The following CSMD3 variants were observed in gnomAD, a reference collection of about 807,000 sequenced individuals.
The protein encoded by CSMD3 is CUB and Sushi multiple domains 3.
In CSMD3, 177 loss-of-function variants were observed where a neutral mutation model predicts 435.2. That is an observed-to-expected ratio of 0.41 (90% CI 0.36 to 0.46). The LOEUF (loss-of-function observed/expected upper bound fraction) is 0.46. Among genes scored for constraint, CSMD3 ranks in the 20% least tolerant of loss-of-function variants. CSMD3 has a pLI of 0.34. For missense variants in CSMD3, 4,265 were observed against 4,504.6 expected (o/e 0.95, Z 1.52); for synonymous variants, 1,656 against 1,520.5 (o/e 1.09, Z -2.07).
chr8:112,237,193 A>C lies in CSMD3; in HGVS notation c.10624T>G (p.Ser3542Ala). 1.9e-6 allele frequency: 3 copies of C among 1,613,494 alleles called. No homozygotes were observed. Among genetic ancestry groups the C allele is most frequent in the Middle Eastern group, 1.7e-4 (1 of 6,058 alleles). Residue 3542 changes from serine (S) to alanine (A), a missense_variant, in exon 67 of 71, where the codon TCA becomes GCA. Physicochemically the swap from Ser to Ala is moderately conservative, Grantham distance 99 (BLOSUM62 1). This residue lies in a region of CSMD3 where 3,255 missense variants were observed against 3,380.2 expected (regional missense o/e 0.96). Transcript: ENST00000297405. ...LSNSNMELLL[S>A]GVYKSQEARL... ...GCTGCTGTTTTTATTGCGATACCTG[A>C]AAGTAGCAGCTCCATGTTGCTATTG...
At chr8:113,246,772 T>C (rs1285353981) in intron 3 of CSMD3, among the ~76,000 whole-genome samples, 1 of 152,150 alleles carries the variant, frequency 6.6e-6, no homozygotes, top group Non-Finnish European at 1.5e-5. Flanking sequence ...TTGTTCAGTT[T>C]AATTCTAAAA....
rs112896519 is a variant in CSMD3 at position 112,325,699 on chromosome 8, G to A, written c.7166-5718C>T. Among the ~76,000 whole-genome samples the A allele has an allele frequency of 1.8e-3, 278 of 151,980 alleles. 2 individuals carry two copies. The highest frequency in any genetic ancestry group is 6.1e-3 in the African/African-American group (254 of 41,464). On this transcript the variant is annotated intron_variant, in intron 45 of 70. Transcript: ENST00000297405. ...AGTATATATATGAATGAGTATATAC[G>A]TATGATATATAACACATTCTTATGG...
rs535377892 is a variant in CSMD3, at chr8:112,653,369, C to T, written c.3004+2785G>A. On this transcript the variant is annotated intron_variant, in intron 18 of 70. Coordinates refer to ENST00000297405, the MANE Select transcript of CSMD3 (RefSeq NM_198123.2). ...ATAAATTGTGCATTCTTTTAGATGT[C>T]TAACATTTTCCTAATTGGAAAATAC... is the stretch of plus-strand genomic sequence containing the variant. Among the ~76,000 whole-genome samples the T allele has an allele frequency of 1.2e-4, 18 of 152,100 alleles. No individual in the cohort carries two copies. The South Asian group carries it at 3.7e-3, about 32-fold the overall frequency.
intron 1 of CSMD3, among the ~76,000 whole-genome samples, chr8:113,372,331 T>C (rs1443187742): frequency 6.6e-6 from 1 of 152,218 alleles, no homozygotes; most frequent in African/African-American, 2.4e-5. Context: ...GTAAACTTAG[T>C]TGGCCCCAGG....
intron 32 of CSMD3, among the ~76,000 whole-genome samples, chr8:112,469,041 A>G (rs1364471611): frequency 6.6e-6 from 1 of 152,012 alleles, no homozygotes; most frequent in African/African-American, 2.4e-5. Context: ...TACTCAATCA[A>G]CCAGTAAAGC....
intron 20 of CSMD3, among the ~76,000 whole-genome samples, chr8:112,642,953 A>G (rs559410444): frequency 6.6e-6 from 1 of 152,298 alleles, no homozygotes; most frequent in East Asian, 1.9e-4. Flanking sequence ...CATTTTAAAG[A>G]GATAAGCTGG....
chr8:112,644,085 T>G (rs916644503), intron 20 of CSMD3, among the ~76,000 whole-genome samples: 2 of 151,666 alleles, frequency 1.3e-5, no homozygotes, highest in Non-Finnish European at 3.0e-5. Flanking sequence ...TAAAAAAAAG[T>G]ACTTTTCAAA....
At chr8:112,395,326 G>A (rs541241072) in intron 35 of CSMD3, among the ~76,000 whole-genome samples, 1 of 152,180 alleles carries the variant, frequency 6.6e-6, no homozygotes, top group African/African-American at 2.4e-5. Context: ...AATATTAAAT[G>A]AGATAATGCT....
intron 3 of CSMD3, among the ~76,000 whole-genome samples, chr8:113,188,828 G>A (rs2092545438): frequency 6.6e-6 from 1 of 151,800 alleles, no homozygotes; most frequent in African/African-American, 2.4e-5. Context: ...TTCTTTTTGA[G>A]TACCATCATC....
chr8:112,234,281 T>C, intron 68 of CSMD3, 84 bp downstream of exon 68: 1 of 843,948 alleles, frequency 1.2e-6, no homozygotes, highest in Non-Finnish European at 2.0e-6. Context: ...CATAATTAGC[T>C]AAATTTAGAA....
chr8:112,452,861 T>C (rs974887099), intron 32 of CSMD3, among the ~76,000 whole-genome samples: 2 of 152,200 alleles, frequency 1.3e-5, no homozygotes, highest in African/African-American at 4.8e-5. Flanking sequence ...TGAACTGTTT[T>C]CTGAACTCTG....
At chr8:112,513,240 G>T (rs942196542) in intron 28 of CSMD3, among the ~76,000 whole-genome samples, 1 of 152,180 alleles carries the variant, frequency 6.6e-6, no homozygotes. Context: ...CTAGCTATCA[G>T]CCTATTTGGG....
chr8:113,245,299 T>A (rs969877272), intron 3 of CSMD3, among the ~76,000 whole-genome samples: 3 of 152,048 alleles, frequency 2.0e-5, no homozygotes, highest in African/African-American at 7.2e-5. Flanking sequence ...ATGCCATTTT[T>A]ATATATCTTT....
At chr8:112,731,049 G>A (rs2077062799) in intron 13 of CSMD3, among the ~76,000 whole-genome samples, 1 of 152,086 alleles carries the variant, frequency 6.6e-6, no homozygotes, top group South Asian at 2.1e-4. Flanking sequence ...TAGCTGTTCA[G>A]AGAATTTTAA....
At chr8:112,910,874 T>C (rs2082393024) in intron 10 of CSMD3, among the ~76,000 whole-genome samples, 1 of 151,904 alleles carries the variant, frequency 6.6e-6, no homozygotes, top group Non-Finnish European at 1.5e-5. Context: ...AGGTCACTGG[T>C]GGCCTCTTGG....
At chr8:112,759,351 T>C (rs979632715) in intron 13 of CSMD3, among the ~76,000 whole-genome samples, 3 of 152,122 alleles carry the variant, frequency 2.0e-5, no homozygotes, top group Non-Finnish European at 4.4e-5. Context: ...TAAATAATTA[T>C]AATATGCTTC....
intron 13 of CSMD3, among the ~76,000 whole-genome samples, chr8:112,717,578 A>T (rs200688351): frequency 2.6e-5 from 4 of 152,158 alleles, no homozygotes; most frequent in African/African-American, 9.7e-5. Context: ...ACCCAAAGGA[A>T]TATAAATCAT....
At chr8:112,304,522 A>T (rs1821233702) in intron 52 of CSMD3, among the ~76,000 whole-genome samples, 199 bp downstream of exon 52, 1 of 152,142 alleles carries the variant, frequency 6.6e-6, no homozygotes. Context: ...TCCAAAGCCC[A>T]TGTTTTTCTA....
At chr8:113,412,763 C>T (rs771755498) in intron 1 of CSMD3, among the ~76,000 whole-genome samples, 1 of 151,934 alleles carries the variant, frequency 6.6e-6, no homozygotes, top group Non-Finnish European at 1.5e-5. Context: ...CCTGCATGAA[C>T]GATTGTTTTT....
Sources: allele counts gnomAD v4.1 joint callset (sites outside exome capture counted in the v4.1 genomes callset), GRCh38; gene constraint gnomAD v4.1.1; regional missense constraint gnomAD v4.1.1; transcripts MANE v1.5; gene names NCBI Gene and HGNC (gene_info 2026-07-23, HGNC 2026-07-21).